GOLM2: variants seen among roughly 807,000 people sequenced by gnomAD.
GOLM2 encodes protein GOLM2.
GOLM2 carries 26 observed loss-of-function variants against 55.9 expected under a neutral mutation model. That is an observed-to-expected ratio of 0.47 (90% CI 0.34 to 0.65). The LOEUF (loss-of-function observed/expected upper bound fraction) is 0.65. GOLM2 is among the 30% of genes least tolerant of loss of function. The probability of loss-of-function intolerance (pLI) is 0.01; values close to 1 mark genes in which losing one functional copy is unlikely to be tolerated. For missense variants in GOLM2, 486 were observed against 531.8 expected, an observed-to-expected ratio of 0.91 and a Z score of 0.85; for synonymous variants, 165 against 194.6, an observed-to-expected ratio of 0.85 and a Z score of 1.27.
At chr15:44,393,020 C>G (rs938738500) in intron 8 of GOLM2, among the ~76,000 whole-genome samples, 1 of 151,750 alleles carries the variant, frequency 6.6e-6, no homozygotes, top group African/African-American at 2.4e-5. Context: ...ACTGTAGATT[C>G]TAATCAATGA....
chr15:44,371,492 A>G (rs1424466334), intron 6 of GOLM2, among the ~76,000 whole-genome samples: 1 of 152,240 alleles, frequency 6.6e-6, no homozygotes, highest in African/African-American at 2.4e-5. Flanking sequence ...ACATTTACCT[A>G]TATTTCATGG....
intron 6 of GOLM2, among the ~76,000 whole-genome samples, chr15:44,368,103 C>A (rs1009032040): frequency 5.3e-5 from 8 of 151,460 alleles, no homozygotes; most frequent in African/African-American, 1.9e-4. Context: ...TTTTTTTAAT[C>A]CTTCTAGGAC....
chr15:44,350,016 C>G (rs1567032406), intron 6 of GOLM2, among the ~76,000 whole-genome samples: 1 of 152,072 alleles, frequency 6.6e-6, no homozygotes, highest in African/African-American at 2.4e-5. Context: ...AAGTTTATAG[C>G]TATAAGCTCC....
At chr15:44,291,678 C>T (rs898839227) in intron 1 of GOLM2, among the ~76,000 whole-genome samples, 5 of 152,180 alleles carry the variant, frequency 3.3e-5, no homozygotes, top group Admixed American at 6.5e-5. Flanking sequence ...ACTGGACTCT[C>T]CAGTCTTATC....
chr15:44,326,919 TGGTATTACA>T (rs1318432030), intron 2 of GOLM2, among the ~76,000 whole-genome samples: 1 of 151,400 alleles, frequency 6.6e-6, no homozygotes, highest in Non-Finnish European at 1.5e-5. Context: ...CCCAAAGTGC[TGGTATTACA>T]GGTGTGAGCC....
chr15:44,296,499 T>C (rs2078757645), intron 1 of GOLM2, among the ~76,000 whole-genome samples: 1 of 152,140 alleles, frequency 6.6e-6, no homozygotes. Flanking sequence ...GAAAGGAGGA[T>C]GAGAAGCGTA....
At chr15:44,368,266 T>G (rs2141181631) in intron 6 of GOLM2, among the ~76,000 whole-genome samples, 1 of 151,620 alleles carries the variant, frequency 6.6e-6, no homozygotes, top group African/African-American at 2.4e-5. Context: ...AACTCCCAAG[T>G]AGCTGGGATT....
At chr15:44,369,916 C>T (rs551392259) in intron 6 of GOLM2, among the ~76,000 whole-genome samples, 7 of 152,114 alleles carry the variant, frequency 4.6e-5, no homozygotes, top group Admixed American at 2.0e-4. Flanking sequence ...TTAACTCATA[C>T]GATCACAAGG....
intron 6 of GOLM2, among the ~76,000 whole-genome samples, chr15:44,350,402 A>T (rs2079153643): frequency 6.6e-6 from 1 of 152,210 alleles, no homozygotes; most frequent in African/African-American, 2.4e-5. Context: ...AGACACATAC[A>T]GTCTACTAAG....
At chr15:44,402,258 C>T (rs1015274075) in intron 8 of GOLM2, among the ~76,000 whole-genome samples, 9 of 151,882 alleles carry the variant, frequency 5.9e-5, no homozygotes, top group African/African-American at 2.2e-4. Flanking sequence ...ACCAGAATTA[C>T]TTGGGATTTT....
At chr15:44,314,311 C>T (rs2078894312) in intron 1 of GOLM2, among the ~76,000 whole-genome samples, 1 of 151,754 alleles carries the variant, frequency 6.6e-6, no homozygotes, top group Admixed American at 6.6e-5. Context: ...GTAATCCCAG[C>T]ATTTTGGGAG....
intron 6 of GOLM2, among the ~76,000 whole-genome samples, chr15:44,379,480 C>T (rs1264164633): frequency 6.7e-6 from 1 of 149,472 alleles, no homozygotes; most frequent in Non-Finnish European, 1.5e-5. Context: ...TCTGTCCCCC[C>T]ACCAAAAAAA....
At chr15:44,334,185 C>T (rs1282245016) in intron 4 of GOLM2, among the ~76,000 whole-genome samples, 1 of 151,668 alleles carries the variant, frequency 6.6e-6, no homozygotes, top group Non-Finnish European at 1.5e-5. Flanking sequence ...CAAGGCATGG[C>T]AGGAATTGAG....
At chr15:44,396,931 T>C (rs1320196169) in intron 8 of GOLM2, among the ~76,000 whole-genome samples, 1 of 152,198 alleles carries the variant, frequency 6.6e-6, no homozygotes, top group Admixed American at 6.6e-5. Context: ...GTTTAAACTA[T>C]TGGGATGAAG....
At chr15:44,386,798 G>C (rs1186134829) in intron 8 of GOLM2, among the ~76,000 whole-genome samples, 3 of 152,136 alleles carry the variant, frequency 2.0e-5, no homozygotes, top group Non-Finnish European at 4.4e-5. Flanking sequence ...TTGAGCCCAG[G>C]AGTTCAAGGT....
intron 6 of GOLM2, among the ~76,000 whole-genome samples, chr15:44,374,640 G>A (rs983079872): frequency 6.6e-6 from 1 of 152,142 alleles, no homozygotes; most frequent in African/African-American, 2.4e-5. Flanking sequence ...AAGGCGAAGG[G>A]GAAGCAAGCA....
chr15:44,327,117 A>T (rs2078988312), intron 2 of GOLM2, among the ~76,000 whole-genome samples: 1 of 150,268 alleles, frequency 6.7e-6, no homozygotes, highest in South Asian at 2.1e-4. Flanking sequence ...TGCTTAGTTA[A>T]TTTTTGTATT....
chr15:44,403,132 C>T lies in GOLM2; in HGVS notation c.1240+78C>T, dbSNP rs903423272. 2.6e-6 allele frequency: 4 copies of T among 1,538,598 alleles called. No individual in the cohort carries two copies. The African/African-American group carries it at 5.5e-5, about 21-fold the overall frequency. ...TTTTGGTTGAATTTGTGTAGAATTT[C>T]CCCCACTTATTAGTGGCAGTGTAAC... On this transcript the variant is annotated intron_variant, in intron 9 of 9. Coordinates refer to ENST00000299957, the MANE Select transcript of GOLM2 (RefSeq NM_138423.4).
intron 8 of GOLM2, among the ~76,000 whole-genome samples, chr15:44,384,001 A>AATTCAG (rs747066646): frequency 7.9e-5 from 12 of 152,272 alleles, no homozygotes; most frequent in South Asian, 2.1e-4. Flanking sequence ...CTTTATAGAT[A>AATTCAG]ATTCAGATTT....
Sources: allele counts gnomAD v4.1 joint callset (sites outside exome capture counted in the v4.1 genomes callset), GRCh38; gene constraint gnomAD v4.1.1; transcripts MANE v1.5; gene names NCBI Gene and HGNC (gene_info 2026-07-23, HGNC 2026-07-21).